The following NELL2 variants were observed in gnomAD, a reference collection of about 807,000 sequenced individuals.
NELL2 encodes neural EGFL like 2, also known as protein kinase C-binding protein NELL2.
A neutral mutation model predicts 109.6 loss-of-function variants in NELL2; 41 were observed. The observed-to-expected ratio is 0.37, with a 90% CI of 0.29 to 0.49. NELL2 has a LOEUF of 0.49. Among genes scored for constraint, NELL2 ranks in the 20% least tolerant of loss-of-function variants. The pLI is 0.98. For missense variants in NELL2, 900 were observed against 1,008.3 expected (o/e 0.89, Z 1.45); for synonymous variants, 355 against 344.7 (o/e 1.03, Z -0.33).
intron 1 of NELL2, among the ~76,000 whole-genome samples, chr12:44,919,567 A>C (rs1945854087): frequency 6.6e-6 from 1 of 152,174 alleles, no homozygotes; most frequent in African/African-American, 2.4e-5. Flanking sequence ...AAAAAGGGGA[A>C]ATTTAGACAG....
chr12:44,546,075 T>C (rs1942781423), intron 15 of NELL2, among the ~76,000 whole-genome samples: 1 of 152,140 alleles, frequency 6.6e-6, no homozygotes, highest in Non-Finnish European at 1.5e-5. Flanking sequence ...CACTTACTGG[T>C]TATTCAGAAA....
At chr12:44,605,377 T>C (rs944564248) in intron 15 of NELL2, among the ~76,000 whole-genome samples, 1 of 152,130 alleles carries the variant, frequency 6.6e-6, no homozygotes, top group Admixed American at 6.5e-5. Flanking sequence ...CAAGGCAACA[T>C]AACATATAAA....
chr12:44,665,878 C>G (rs1947909108), intron 12 of NELL2, among the ~76,000 whole-genome samples: 2 of 152,172 alleles, frequency 1.3e-5, no homozygotes, highest in Admixed American at 1.3e-4. Flanking sequence ...GCGCATTCAT[C>G]TGCCTATGCT....
At chr12:44,601,006 CACAAT>C (rs1368014952) in intron 15 of NELL2, among the ~76,000 whole-genome samples, 3 of 151,944 alleles carry the variant, frequency 2.0e-5, no homozygotes, top group Non-Finnish European at 2.9e-5. Flanking sequence ...AATTCAAAGG[CACAAT>C]ACAAGTTAAT....
intron 12 of NELL2, among the ~76,000 whole-genome samples, chr12:44,700,590 CTTCT>C (rs1358210665): frequency 6.6e-6 from 1 of 151,988 alleles, no homozygotes; most frequent in African/African-American, 2.4e-5. Flanking sequence ...TCTACTCTTC[CTTCT>C]ATGATTCCCT....
chr12:44,572,003 G>A (rs531336052), intron 15 of NELL2, among the ~76,000 whole-genome samples: 5 of 151,892 alleles, frequency 3.3e-5, no homozygotes, highest in Non-Finnish European at 4.4e-5. Flanking sequence ...ATAGCAAAAC[G>A]TGCATAGCTC....
chr12:44,639,453 ATTTC>A (rs1946769487), intron 13 of NELL2, among the ~76,000 whole-genome samples: 1 of 152,114 alleles, frequency 6.6e-6, no homozygotes. Context: ...GCTACTTGTT[ATTTC>A]CTAACAAGAC....
chr12:44,673,308 G>C (rs894110599), intron 12 of NELL2, among the ~76,000 whole-genome samples: 1 of 151,976 alleles, frequency 6.6e-6, no homozygotes, highest in Non-Finnish European at 1.5e-5. Flanking sequence ...TTTAGTCCAG[G>C]GTGTATTTTA....
intron 13 of NELL2, among the ~76,000 whole-genome samples, chr12:44,624,573 G>A (rs1413298574): frequency 6.6e-6 from 1 of 151,958 alleles, no homozygotes; most frequent in African/African-American, 2.4e-5. Flanking sequence ...CTCTTGTAAT[G>A]TTATCTACAC....
At chr12:44,649,469 A>G (rs990136354) in intron 13 of NELL2, among the ~76,000 whole-genome samples, 8 of 152,182 alleles carry the variant, frequency 5.3e-5, no homozygotes, top group Non-Finnish European at 8.8e-5. Context: ...CTGAACGTAG[A>G]GTGAGTAAGT....
intron 15 of NELL2, among the ~76,000 whole-genome samples, chr12:44,538,119 C>T (rs1325087604): frequency 6.6e-6 from 1 of 152,142 alleles, no homozygotes; most frequent in Non-Finnish European, 1.5e-5. Flanking sequence ...ATGTCATAGA[C>T]AAGAAGGTGG....
At chr12:44,706,181 T>C (rs1288056767) in intron 11 of NELL2, among the ~76,000 whole-genome samples, 1 of 152,140 alleles carries the variant, frequency 6.6e-6, no homozygotes, top group Non-Finnish European at 1.5e-5. Flanking sequence ...ATCAGATGGG[T>C]TTTTTTAAAC....
At chr12:44,699,506 TC>T (rs1949161747) in intron 12 of NELL2, among the ~76,000 whole-genome samples, 1 of 152,058 alleles carries the variant, frequency 6.6e-6, no homozygotes, top group Non-Finnish European at 1.5e-5. Flanking sequence ...AAAAAGTGGG[TC>T]GGGCAGAAGA....
At position 44,687,294 on chromosome 12, in the gene NELL2, C is replaced by T. The variant is rs956099752; in HGVS notation, c.1318+16432G>A. On this transcript the variant is annotated intron_variant, in intron 12 of 19. Coordinates refer to ENST00000429094, the MANE Select transcript of NELL2 (RefSeq NM_001145108.2). ...CATGGTGCGCGCACCCACTGACCTG[C>T]GCCCACTGTCTGGCACTCCCTAGTG... Among the ~76,000 whole-genome samples, 13 of 152,290 alleles carry T rather than the reference C, an allele frequency of 8.5e-5. No homozygotes were observed. In the East Asian group the frequency reaches 1.5e-3, roughly 18 times the overall value.
chr12:44,918,341 G>T (rs1328758502), upstream of NELL2, among the ~76,000 whole-genome samples: 1 of 152,158 alleles, frequency 6.6e-6, no homozygotes, highest in Non-Finnish European at 1.5e-5. Context: ...CATCTGGAAT[G>T]CAACCCATTC....
At chr12:44,602,267 A>T (rs1447661326) in intron 15 of NELL2, among the ~76,000 whole-genome samples, 1 of 152,082 alleles carries the variant, frequency 6.6e-6, no homozygotes, top group African/African-American at 2.4e-5. Flanking sequence ...ATGAGTGTAG[A>T]TCCCTTAGGC....
chr12:44,848,117 T>C (rs1944428063), intron 2 of NELL2, among the ~76,000 whole-genome samples: 1 of 151,200 alleles, frequency 6.6e-6, no homozygotes, highest in Non-Finnish European at 1.5e-5. Flanking sequence ...CTGCAGTGTA[T>C]AAACTTAGGG....
chr12:44,740,024 C>CA (rs1194146769), intron 9 of NELL2, among the ~76,000 whole-genome samples: 1 of 152,188 alleles, frequency 6.6e-6, no homozygotes, highest in African/African-American at 2.4e-5. Context: ...AACCATGTGG[C>CA]ATGCAAGACC....
At chr12:44,745,587 A>G (rs987850981) in intron 9 of NELL2, among the ~76,000 whole-genome samples, 1 of 152,244 alleles carries the variant, frequency 6.6e-6, no homozygotes, top group Non-Finnish European at 1.5e-5. Flanking sequence ...CAAGCTGATA[A>G]GCAACTTCAG....
Sources: allele counts gnomAD v4.1 joint callset (sites outside exome capture counted in the v4.1 genomes callset), GRCh38; gene constraint gnomAD v4.1.1; transcripts MANE v1.5; gene names NCBI Gene and HGNC (gene_info 2026-07-23, HGNC 2026-07-21).